The following DOCK10 variants were observed in gnomAD, a reference collection of about 807,000 sequenced individuals.
The protein encoded by DOCK10 is dedicator of cytokinesis 10.
DOCK10 carries 145 observed loss-of-function variants against 280.1 expected under a neutral mutation model. The observed-to-expected ratio is 0.52, with a 90% CI of 0.45 to 0.59. The LOEUF (loss-of-function observed/expected upper bound fraction) is 0.59, where lower values mean the gene tolerates loss of function less well. Ranked by LOEUF, DOCK10 falls within the 20% of genes least tolerant of loss-of-function variation. The probability of loss-of-function intolerance (pLI) is 0.00; values close to 1 mark genes in which losing one functional copy is unlikely to be tolerated. For synonymous variants in DOCK10, 915 were observed against 942.2 expected, an observed-to-expected ratio of 0.97 and a Z score of 0.53; for missense variants, 2,368 against 2,651.7, an observed-to-expected ratio of 0.89 and a Z score of 2.35.
intron 3 of DOCK10, among the ~76,000 whole-genome samples, chr2:224,913,962 C>A (rs1701178230): frequency 6.6e-6 from 1 of 152,130 alleles, no homozygotes; most frequent in Non-Finnish European, 1.5e-5. Context: ...TGGTCTCGAT[C>A]TCCTGACCTC....
At chr2:225,017,015 G>A (rs749358026) in intron 1 of DOCK10, among the ~76,000 whole-genome samples, 22 of 151,082 alleles carry the variant, frequency 1.5e-4, no homozygotes, top group Non-Finnish European at 2.1e-4. Context: ...GAGCCACTGC[G>A]CCCGGCCGCC....
At chr2:225,002,655 A>T (rs75457334) in intron 1 of DOCK10, among the ~76,000 whole-genome samples, 5,621 of 152,324 alleles carry the variant, frequency 0.037, 244 homozygotes, top group East Asian at 0.14. Flanking sequence ...AGCTAGTTGC[A>T]TGGGCAGGCA....
intron 1 of DOCK10, chr2:224,946,871 T>C: frequency 6.5e-7 from 1 of 1,545,058 alleles, no homozygotes; most frequent in Non-Finnish European, 8.7e-7. Flanking sequence ...GGATTTCTTC[T>C]TGGTTTACTC....
At chr2:224,988,844 CA>C (rs1333940191) in intron 1 of DOCK10, among the ~76,000 whole-genome samples, 1 of 152,150 alleles carries the variant, frequency 6.6e-6, no homozygotes. Context: ...TGTTCACTGG[CA>C]GCAGTGACTT....
chr2:224,881,964 T>C (rs75204136), intron 7 of DOCK10, among the ~76,000 whole-genome samples: 50 of 152,318 alleles, frequency 3.3e-4, no homozygotes, highest in Non-Finnish European at 5.4e-4. Flanking sequence ...ACAGGAGGTA[T>C]CTGCATTTCT....
intron 1 of DOCK10, among the ~76,000 whole-genome samples, chr2:225,022,219 C>T (rs1300977194): frequency 6.6e-6 from 1 of 152,152 alleles, no homozygotes; most frequent in African/African-American, 2.4e-5. Flanking sequence ...CCGTTTAAAA[C>T]TGTGTAATCT....
At chr2:224,952,838 C>T (rs1013649635) in intron 1 of DOCK10, among the ~76,000 whole-genome samples, 9 of 152,024 alleles carry the variant, frequency 5.9e-5, no homozygotes, top group African/African-American at 9.7e-5. Flanking sequence ...GTGATCTGCC[C>T]GCCTCGGCCT....
At chr2:225,016,637 A>G (rs1279649627) in intron 1 of DOCK10, among the ~76,000 whole-genome samples, 15 of 22,892 alleles carry the variant, frequency 6.6e-4, no homozygotes, top group South Asian at 1.7e-3. Context: ...AGATACATAT[A>G]TCTATGTGCA....
At chr2:224,869,026 C>G (rs1172670050) in intron 11 of DOCK10, among the ~76,000 whole-genome samples, 1 of 152,090 alleles carries the variant, frequency 6.6e-6, no homozygotes, top group African/African-American at 2.4e-5. Flanking sequence ...TCCAATCCAC[C>G]TTTTCAAAAT....
chr2:224,774,036 A>G (rs1189486108), intron 52 of DOCK10, among the ~76,000 whole-genome samples: 1 of 152,208 alleles, frequency 6.6e-6, no homozygotes, highest in East Asian at 1.9e-4. Context: ...ATATATACCA[A>G]GTAGTATATA....
At chr2:225,029,114 C>A (rs1481767698) in intron 1 of DOCK10, among the ~76,000 whole-genome samples, 1 of 152,100 alleles carries the variant, frequency 6.6e-6, no homozygotes, top group African/African-American at 2.4e-5. Flanking sequence ...GCTCTGTGAC[C>A]CTGACCACAT....
chr2:225,025,499 G>A (rs920798017), intron 1 of DOCK10, among the ~76,000 whole-genome samples: 1 of 152,144 alleles, frequency 6.6e-6, no homozygotes, highest in African/African-American at 2.4e-5. Flanking sequence ...TGGTAGAAAT[G>A]TTCAACAGCT....
At chr2:224,942,705 A>G (rs900525258) in intron 1 of DOCK10, among the ~76,000 whole-genome samples, 2 of 151,210 alleles carry the variant, frequency 1.3e-5, no homozygotes, top group Non-Finnish European at 2.9e-5. Context: ...TATATTAGAG[A>G]TATGTTAAAG....
intron 40 of DOCK10, 64 bp downstream of exon 40, chr2:224,801,852 T>C (rs1693036631): frequency 1.3e-6 from 2 of 1,539,094 alleles, no homozygotes. Context: ...GTGCATTTCA[T>C]GTCCTACACA....
intron 51 of DOCK10, among the ~76,000 whole-genome samples, chr2:224,777,550 C>A (rs1690965723): frequency 6.6e-6 from 1 of 152,226 alleles, no homozygotes; most frequent in African/African-American, 2.4e-5. Flanking sequence ...CTTGGACTTA[C>A]ACGAGTGATC....
In DOCK10 at chr2:224,775,101, A is replaced by G. The variant is rs762258455; in HGVS notation, c.5817T>C (p.Asp1939=). The change falls in exon 52 of 56, where the codon GAT becomes GAC. Residue 1939 remains aspartate (D), a synonymous_variant. Coordinates refer to ENST00000258390, the MANE Select transcript of DOCK10 (RefSeq NM_014689.3). ...GGATGTAGGCATATTTGGGGTCCAA[A>G]TCCTTGGGGTTTACCTGTGTTAACA... ...IQDSNKVNPK[D]LDPKYAYIQV... 6 of 1,613,976 alleles carry G rather than the reference A, an allele frequency of 3.7e-6. No individual in the cohort carries two copies. Among genetic ancestry groups the G allele is most frequent in the Non-Finnish European group, 5.1e-6 (6 of 1,179,874 alleles).
chr2:225,006,371 C>T (rs921601299), intron 1 of DOCK10, among the ~76,000 whole-genome samples: 6 of 152,212 alleles, frequency 3.9e-5, no homozygotes, highest in African/African-American at 7.2e-5. Context: ...TGAGGAGGAA[C>T]GTACAAAGGC....
chr2:224,798,463 C>G (rs1574839613), intron 41 of DOCK10, among the ~76,000 whole-genome samples: 1 of 152,022 alleles, frequency 6.6e-6, no homozygotes, highest in African/African-American at 2.4e-5. Context: ...CTAGTAAAAT[C>G]CTTAAAATTT....
intron 1 of DOCK10, among the ~76,000 whole-genome samples, chr2:224,967,514 T>C (rs1173682436): frequency 6.6e-6 from 1 of 152,340 alleles, no homozygotes; most frequent in African/African-American, 2.4e-5. Flanking sequence ...TATGATTTTA[T>C]AATCAGGTTT....
Sources: allele counts gnomAD v4.1 joint callset (sites outside exome capture counted in the v4.1 genomes callset), GRCh38; gene constraint gnomAD v4.1.1; transcripts MANE v1.5; gene names NCBI Gene and HGNC (gene_info 2026-07-23, HGNC 2026-07-21).